The following PPP1R16B variants were observed in gnomAD, a reference collection of about 807,000 sequenced individuals.
The protein encoded by PPP1R16B is protein phosphatase 1 regulatory inhibitor subunit 16B.
A neutral mutation model predicts 61.7 loss-of-function variants in PPP1R16B; 14 were observed. The ratio of observed to expected loss-of-function variants is 0.23; its 90% CI spans 0.15 to 0.35. The LOEUF (loss-of-function observed/expected upper bound fraction) is 0.35, where lower values mean the gene tolerates loss of function less well. Ranked by LOEUF, PPP1R16B falls within the 10% of genes least tolerant of loss-of-function variation. The pLI is 1.00. For missense variants in PPP1R16B, 547 were observed against 752.5 expected, an observed-to-expected ratio of 0.73 and a Z score of 3.19; for synonymous variants, 266 against 305.3, an observed-to-expected ratio of 0.87 and a Z score of 1.34.
At chr20:38,808,820 C>T (rs564717244) in intron 1 of PPP1R16B, among the ~76,000 whole-genome samples, 30 of 152,058 alleles carry the variant, frequency 2.0e-4, no homozygotes, top group Non-Finnish European at 3.1e-4. Flanking sequence ...GATCACTAGA[C>T]GTCAGGAGTT....
intron 2 of PPP1R16B, among the ~76,000 whole-genome samples, chr20:38,873,743 GTTTT>G (rs36003556): frequency 7.1e-6 from 1 of 140,738 alleles, no homozygotes; most frequent in Admixed American, 7.1e-5. Flanking sequence ...TCTTTTTTTT[GTTTT>G]TTTTTTTTTG....
intron 4 of PPP1R16B, among the ~76,000 whole-genome samples, chr20:38,897,120 T>C (rs931232033): frequency 6.6e-6 from 1 of 152,158 alleles, no homozygotes; most frequent in African/African-American, 2.4e-5. Flanking sequence ...CACTCCAGCC[T>C]GGGCAACAAG....
intron 1 of PPP1R16B, among the ~76,000 whole-genome samples, chr20:38,819,498 A>C (rs1232839087): frequency 6.6e-6 from 1 of 152,194 alleles, no homozygotes; most frequent in African/African-American, 2.4e-5. Context: ...AAACTAAAAA[A>C]TAAATATATT....
intron 2 of PPP1R16B, among the ~76,000 whole-genome samples, chr20:38,843,043 T>G (rs1053286538): frequency 6.6e-6 from 1 of 152,322 alleles, no homozygotes; most frequent in Middle Eastern, 3.4e-3. Flanking sequence ...AGGGGCAGTT[T>G]GTAAAGGGTT....
chr20:38,820,235 A>G (rs2084763986), intron 1 of PPP1R16B, among the ~76,000 whole-genome samples: 1 of 152,238 alleles, frequency 6.6e-6, no homozygotes, highest in African/African-American at 2.4e-5. Context: ...TGCAATTAAC[A>G]TTCTTGTGAA....
At chr20:38,869,750 A>G (rs2085114070) in intron 2 of PPP1R16B, among the ~76,000 whole-genome samples, 1 of 151,958 alleles carries the variant, frequency 6.6e-6, no homozygotes, top group Admixed American at 6.6e-5. Flanking sequence ...GAGGGCCTGG[A>G]AAGTCATGTC....
chr20:38,832,364 G>A (rs1383846013), intron 1 of PPP1R16B, among the ~76,000 whole-genome samples: 2 of 152,178 alleles, frequency 1.3e-5, no homozygotes, highest in African/African-American at 2.4e-5. Context: ...TTACTCACTC[G>A]AGGAAGTGGA....
intron 1 of PPP1R16B, among the ~76,000 whole-genome samples, chr20:38,821,220 G>C (rs1330186980): frequency 6.6e-6 from 1 of 152,158 alleles, no homozygotes; most frequent in African/African-American, 2.4e-5. Flanking sequence ...AATGGTGAGT[G>C]CCTCCCCATG....
intron 1 of PPP1R16B, among the ~76,000 whole-genome samples, chr20:38,834,221 G>C (rs2084855086): frequency 6.6e-6 from 1 of 152,088 alleles, no homozygotes; most frequent in African/African-American, 2.4e-5. Flanking sequence ...ATGTTCCCCA[G>C]GCTGGTCTGG....
At chr20:38,830,008 C>T (rs1011980714) in intron 1 of PPP1R16B, among the ~76,000 whole-genome samples, 3 of 152,254 alleles carry the variant, frequency 2.0e-5, no homozygotes, top group South Asian at 2.1e-4. Flanking sequence ...TCACCTTTCT[C>T]CAGGGAGCTG....
chr20:38,917,236 C>T (rs765768879), intron 10 of PPP1R16B, among the ~76,000 whole-genome samples: 1 of 148,230 alleles, frequency 6.7e-6, no homozygotes, highest in Non-Finnish European at 1.5e-5. Context: ...GCAGAGGTTG[C>T]GGTGAGCAGA....
intron 10 of PPP1R16B, among the ~76,000 whole-genome samples, chr20:38,914,467 A>G (rs952105055): frequency 1.3e-5 from 2 of 152,162 alleles, no homozygotes; most frequent in Non-Finnish European, 2.9e-5. Flanking sequence ...AGGGTGTTCT[A>G]GGGTCAATTG....
intron 3 of PPP1R16B, among the ~76,000 whole-genome samples, chr20:38,893,923 C>G (rs1432809592): frequency 1.3e-5 from 2 of 152,130 alleles, no homozygotes; most frequent in Admixed American, 6.5e-5. Context: ...GCGGCATCTC[C>G]CAGTGAAGGC....
At chr20:38,826,127 G>A (rs2084803907) in intron 1 of PPP1R16B, among the ~76,000 whole-genome samples, 1 of 152,168 alleles carries the variant, frequency 6.6e-6, no homozygotes, top group Non-Finnish European at 1.5e-5. Context: ...GTGTAACCCA[G>A]GAGTGTGTTC....
chr20:38,832,245 C>T (rs1421985184), intron 1 of PPP1R16B, among the ~76,000 whole-genome samples: 1 of 152,082 alleles, frequency 6.6e-6, no homozygotes. Flanking sequence ...TATTAGGTTA[C>T]TGGGATAATT....
intron 1 of PPP1R16B, among the ~76,000 whole-genome samples, chr20:38,821,060 T>C (rs1490572988): frequency 8.3e-6 from 1 of 120,838 alleles, no homozygotes; most frequent in Non-Finnish European, 1.7e-5. Context: ...AAAAAAAAAA[T>C]TTGGCCATTC....
chr20:38,860,032 G>T (rs754328247), intron 2 of PPP1R16B, among the ~76,000 whole-genome samples: 2 of 152,144 alleles, frequency 1.3e-5, no homozygotes, highest in Admixed American at 6.5e-5. Context: ...GGAGTGCAAT[G>T]ATGCAATCTA....
intron 10 of PPP1R16B, among the ~76,000 whole-genome samples, chr20:38,911,925 G>A (rs2085493834): frequency 6.6e-6 from 1 of 152,018 alleles, no homozygotes; most frequent in African/African-American, 2.4e-5. Flanking sequence ...ATGTCTTTTG[G>A]TGGACATAAG....
intron 1 of PPP1R16B, among the ~76,000 whole-genome samples, chr20:38,828,168 G>A (rs2084815510): frequency 6.6e-6 from 1 of 152,190 alleles, no homozygotes; most frequent in Non-Finnish European, 1.5e-5. Context: ...GTCCAAAAAT[G>A]TGTCAACCGA....
Sources: allele counts gnomAD v4.1 joint callset (sites outside exome capture counted in the v4.1 genomes callset), GRCh38; gene constraint gnomAD v4.1.1; transcripts MANE v1.5; gene names NCBI Gene and HGNC (gene_info 2026-07-23, HGNC 2026-07-21).